Variants in ADAMTSL1 observed in about 807,000 individuals in gnomAD.
ADAMTSL1 encodes ADAMTS like 1, also known as ADAMTS-like protein 1.
Under a neutral mutation model 201.8 loss-of-function variants are expected in ADAMTSL1, and 126 were observed. That is an observed-to-expected ratio of 0.62 (90% CI 0.54 to 0.72). The LOEUF is 0.72. Among genes scored for constraint, ADAMTSL1 ranks in the 30% least tolerant of loss-of-function variants. ADAMTSL1 has a pLI of 0.00. For missense variants in ADAMTSL1, 2,679 were observed against 2,277.8 expected (o/e 1.18, Z -3.59); for synonymous variants, 1,121 against 903.4 (o/e 1.24, Z -4.32).
intron 2 of ADAMTSL1, among the ~76,000 whole-genome samples, chr9:18,297,464 G>A (rs1280574428): frequency 1.3e-5 from 2 of 151,642 alleles, no homozygotes; most frequent in African/African-American, 4.8e-5. Context: ...ATAAATATCA[G>A]ATGTGTAATC....
At chr9:18,230,341 G>C (rs1404758146) in intron 2 of ADAMTSL1, among the ~76,000 whole-genome samples, 1 of 152,102 alleles carries the variant, frequency 6.6e-6, no homozygotes, top group Non-Finnish European at 1.5e-5. Context: ...GGAAGTTTTA[G>C]GGAATTCTGG....
chr9:17,945,379 T>G (rs1459610276), intron 1 of ADAMTSL1, among the ~76,000 whole-genome samples: 12 of 106,416 alleles, frequency 1.1e-4, no homozygotes, highest in Admixed American at 1.9e-4. Context: ...GACTGTAAAC[T>G]AGTTCAACCA....
At chr9:17,935,584 GC>G in intron 1 of ADAMTSL1, among the ~76,000 whole-genome samples, 1 of 152,172 alleles carries the variant, frequency 6.6e-6, no homozygotes, top group Non-Finnish European at 1.5e-5. Context: ...TTCTCCCAAA[GC>G]CATTGCCAAT....
chr9:18,028,989 A>T (rs200015703), intron 1 of ADAMTSL1, among the ~76,000 whole-genome samples: 1 of 151,902 alleles, frequency 6.6e-6, no homozygotes, highest in Non-Finnish European at 1.5e-5. Flanking sequence ...CCCTTGTAAG[A>T]TGGATTCCTA....
chr9:18,569,257 A>G (rs1346973874), intron 3 of ADAMTSL1, among the ~76,000 whole-genome samples: 1 of 152,184 alleles, frequency 6.6e-6, no homozygotes, highest in Non-Finnish European at 1.5e-5. Context: ...AACTCCATGG[A>G]CTTTATGAAT....
chr9:18,658,876 C>T (rs13293062), intron 8 of ADAMTSL1, among the ~76,000 whole-genome samples: 8,765 of 152,122 alleles, frequency 0.058, 326 homozygotes, highest in Middle Eastern at 0.13. Context: ...AAATTATTTT[C>T]TTGGTATAAA....
At chr9:17,994,951 T>C (rs1819311360) in intron 1 of ADAMTSL1, among the ~76,000 whole-genome samples, 1 of 152,164 alleles carries the variant, frequency 6.6e-6, no homozygotes, top group South Asian at 2.1e-4. Flanking sequence ...AAAGCAGGCT[T>C]GGAGAAAGAG....
At chr9:18,082,628 C>T (rs375639796) in intron 1 of ADAMTSL1, among the ~76,000 whole-genome samples, 13 of 152,306 alleles carry the variant, frequency 8.5e-5, no homozygotes, top group Non-Finnish European at 1.2e-4. Flanking sequence ...ATGGCTCCAG[C>T]GCTGTCCATG....
At chr9:18,642,904 C>T (rs942424239) in intron 7 of ADAMTSL1, among the ~76,000 whole-genome samples, 3 of 151,920 alleles carry the variant, frequency 2.0e-5, no homozygotes, top group Non-Finnish European at 2.9e-5. Context: ...GTGTAGATAT[C>T]TCTTCAACAT....
intron 2 of ADAMTSL1, among the ~76,000 whole-genome samples, chr9:18,315,550 G>T (rs1834352004): frequency 6.6e-6 from 1 of 152,152 alleles, no homozygotes; most frequent in African/African-American, 2.4e-5. Context: ...GGCAGTGCTG[G>T]GGGACCTGGC....
intron 13 of ADAMTSL1, among the ~76,000 whole-genome samples, chr9:18,688,689 A>AAAAAAAATATATATATAT (rs1554730404): frequency 3.5e-4 from 3 of 8,652 alleles, no homozygotes; most frequent in Non-Finnish European, 6.6e-4. Context: ...AAAAAAAAAA[A>AAAAAAAATATATATATAT]ATATATATAT....
intron 6 of ADAMTSL1, among the ~76,000 whole-genome samples, chr9:18,638,978 C>A (rs1460996402): frequency 6.6e-6 from 1 of 151,990 alleles, no homozygotes; most frequent in Non-Finnish European, 1.5e-5. Context: ...AAGCGGGATG[C>A]CCAAATAACA....
chr9:18,533,295 A>G lies in ADAMTSL1; in HGVS notation c.237+3A>G, dbSNP rs202199437. The G allele has an allele frequency of 8.7e-6, 14 of 1,608,734 alleles. No homozygotes were observed. The highest frequency in any genetic ancestry group is 1.7e-5 in the Admixed American group (1 of 59,534). On this transcript the variant is annotated splice_donor_region_variant and intron_variant, in intron 3 of 28. Coordinates refer to ENST00000380548, the MANE Select transcript of ADAMTSL1 (RefSeq NM_001040272.6). ...GATACAGAACATGCAGTAATGTGGT[A>G]AGTATAAGGTTCTGAGATTGTAATC...
intron 1 of ADAMTSL1, among the ~76,000 whole-genome samples, chr9:18,013,372 T>A (rs1309669882): frequency 6.6e-6 from 1 of 152,034 alleles, no homozygotes; most frequent in Non-Finnish European, 1.5e-5. Context: ...AATGTGTTTT[T>A]CAGAGAACAG....
intron 4 of ADAMTSL1, among the ~76,000 whole-genome samples, chr9:18,612,740 A>C (rs550440882): frequency 1.3e-5 from 2 of 152,352 alleles, no homozygotes; most frequent in Admixed American, 6.5e-5. Context: ...TTAAAGACTT[A>C]AGTGTAAAAC....
At chr9:18,586,934 C>A (rs1183715984) in intron 4 of ADAMTSL1, among the ~76,000 whole-genome samples, 1 of 151,806 alleles carries the variant, frequency 6.6e-6, no homozygotes, top group African/African-American at 2.4e-5. Context: ...ATATCATAGA[C>A]AAAAATTAAC....
chr9:18,791,897 T>A (rs1822086518), intron 19 of ADAMTSL1, among the ~76,000 whole-genome samples: 1 of 152,142 alleles, frequency 6.6e-6, no homozygotes, highest in African/African-American at 2.4e-5. Flanking sequence ...CTTCCTTTCA[T>A]CAGCCTTGTA....
At chr9:18,303,110 T>G (rs1833767730) in intron 2 of ADAMTSL1, among the ~76,000 whole-genome samples, 1 of 152,180 alleles carries the variant, frequency 6.6e-6, no homozygotes, top group Non-Finnish European at 1.5e-5. Context: ...CATTGTCTGG[T>G]TAGTTAGTAG....
chr9:18,234,587 T>C (rs1297477972), intron 2 of ADAMTSL1, among the ~76,000 whole-genome samples: 1 of 152,150 alleles, frequency 6.6e-6, no homozygotes, highest in African/African-American at 2.4e-5. Flanking sequence ...TGAATCCCAG[T>C]TTGCCTGGCT....
Sources: allele counts gnomAD v4.1 joint callset (sites outside exome capture counted in the v4.1 genomes callset), GRCh38; gene constraint gnomAD v4.1.1; transcripts MANE v1.5; gene names NCBI Gene and HGNC (gene_info 2026-07-23, HGNC 2026-07-21).